The following METTL6 variants were observed in gnomAD, a reference collection of about 807,000 sequenced individuals.
METTL6 encodes the protein methyltransferase 6, tRNA N3-cytidine, also known as tRNA N(3)-cytidine methyltransferase METTL6.
METTL6 carries 22 observed loss-of-function variants against 26.4 expected under a neutral mutation model. The ratio of observed to expected loss-of-function variants is 0.83; its 90% CI spans 0.59 to 1.19. METTL6 has a LOEUF of 1.19. Among genes scored for constraint, METTL6 ranks in the 50% most tolerant of loss-of-function variants. The probability of loss-of-function intolerance (pLI) is 0.00; values close to 1 mark genes in which losing one functional copy is unlikely to be tolerated. For synonymous variants in METTL6, 109 were observed against 116.2 expected, an observed-to-expected ratio of 0.94 and a Z score of 0.40; for missense variants, 304 against 324.8, an observed-to-expected ratio of 0.94 and a Z score of 0.49.
intron 6 of METTL6, among the ~76,000 whole-genome samples, chr3:15,387,995 T>C (rs1023256367): frequency 2.0e-5 from 3 of 152,038 alleles, no homozygotes; most frequent in African/African-American, 7.2e-5. Flanking sequence ...GGAACTGCAG[T>C]AGACAAAGAG....
At chr3:15,409,282 A>G (rs1699884142), downstream of METTL6, among the ~76,000 whole-genome samples, 1 of 152,198 alleles carries the variant, frequency 6.6e-6, no homozygotes, top group Non-Finnish European at 1.5e-5. Flanking sequence ...GGCCTGCTGC[A>G]TGTGCAGTCC....
chr3:15,403,901 C>A (rs1456682375), intron 6 of METTL6, among the ~76,000 whole-genome samples: 1 of 152,144 alleles, frequency 6.6e-6, no homozygotes, highest in African/African-American at 2.4e-5. Flanking sequence ...TAAAGGGCAA[C>A]TTCCTGACAT....
chr3:15,397,590 G>A (rs555219687), intron 6 of METTL6, among the ~76,000 whole-genome samples: 16 of 152,174 alleles, frequency 1.1e-4, no homozygotes, highest in Non-Finnish European at 2.2e-4. Context: ...GCTGGGAGCT[G>A]TAGACTGGAG....
In METTL6 at chr3:15,400,863, T is replaced by A. The variant is rs116165617; in HGVS notation, c.*11+10382A>T. 9.0e-3 allele frequency among the ~76,000 whole-genome samples: 1,365 copies of A among 152,252 alleles called. 23 individuals carry two copies. Among genetic ancestry groups the A allele is most frequent in the African/African-American group, 0.031 (1,293 of 41,530 alleles). On this transcript the variant is annotated intron_variant, in intron 6 of 6. Transcript: ENST00000443029. ...TCTCCATATCCTTTAATAATATTTA[T>A]CATTAAACATAACTGAAACTATACT...
intron 1 of METTL6, 145 bp from the exon 2 acceptor site, chr3:15,426,780 G>C: frequency 2.0e-6 from 1 of 508,360 alleles, no homozygotes; most frequent in South Asian, 2.7e-5. Flanking sequence ...CAAACACACA[G>C]TCCCTACCTT....
chr3:15,402,462 G>A (rs1699673052), intron 6 of METTL6, among the ~76,000 whole-genome samples: 1 of 152,090 alleles, frequency 6.6e-6, no homozygotes, highest in Non-Finnish European at 1.5e-5. Context: ...GGCCGGGCAT[G>A]GTGGCTTACA....
Position 15,415,745 on chromosome 3 carries a change from C to T in METTL6, c.531+27G>A, listed in dbSNP as rs1700176177. 1.9e-6 allele frequency: 3 copies of T among 1,609,302 alleles called. No homozygotes were observed. In the African/African-American group the frequency reaches 4.0e-5, roughly 21 times the overall value. ...GTAAAAGAATCCAGACTGTCCAACC[C>T]TCAAGTGCAGGCCCCAAATCACTAA... On this transcript the variant is annotated intron_variant, in intron 4 of 5. Transcript: ENST00000383790.
At chr3:15,384,183 G>C (rs766928202) in exon 7 of METTL6, 1 of 372,730 alleles carries the variant, frequency 2.7e-6, no homozygotes, top group South Asian at 1.9e-5. Flanking sequence ...ACTTTTGTTT[G>C]AGACCTGAAA....
In METTL6 at chr3:15,425,068, T is replaced by C. The variant is rs2061687813; in HGVS notation, c.247A>G (p.Met83Val). The C allele has an allele frequency of 1.2e-6, 2 of 1,614,066 alleles. No individual in the cohort carries two copies. The highest frequency in any genetic ancestry group is 8.5e-7 in the Non-Finnish European group (1 of 1,180,032). ...CREFEDQKLT[M>V]LEAGCGVGNC... ...CCAACCCCACAGCCAGCTTCAAGCATTGTTAACTTTTGATCTTCAAACTGG... is the reference window on the plus strand; with the variant it reads ...CCAACCCCACAGCCAGCTTCAAGCACTGTTAACTTTTGATCTTCAAACTGG... The change falls in exon 3 of 6, where the codon ATG becomes GTG. Residue 83 changes from methionine to valine, a missense_variant. Physicochemically the swap from Met to Val is conservative, Grantham distance 21 (BLOSUM62 1). Transcript: ENST00000383790.
At chr3:15,395,427 G>C (rs981223258) in intron 6 of METTL6, among the ~76,000 whole-genome samples, 21 of 152,252 alleles carry the variant, frequency 1.4e-4, no homozygotes, top group East Asian at 3.9e-4. Flanking sequence ...GAATACAGCA[G>C]ACTGATGGGT....
chr3:15,423,359 C>T (rs1021054675), intron 3 of METTL6, among the ~76,000 whole-genome samples: 3 of 152,190 alleles, frequency 2.0e-5, no homozygotes, highest in Non-Finnish European at 4.4e-5. Context: ...CACCACTGCA[C>T]TCCAGTCTAG....
intron 3 of METTL6, among the ~76,000 whole-genome samples, chr3:15,423,824 C>CA (rs2061660978): frequency 6.6e-6 from 1 of 152,114 alleles, no homozygotes; most frequent in Admixed American, 6.6e-5. Flanking sequence ...GTCAAGGCTG[C>CA]AGTGAGTTGT....
At chr3:15,408,501 C>T (rs1699860892), downstream of METTL6, among the ~76,000 whole-genome samples, 1 of 150,118 alleles carries the variant, frequency 6.7e-6, no homozygotes, top group African/African-American at 2.4e-5. Context: ...GGCCAAAATT[C>T]CAAATGACTT....
At chr3:15,398,964 A>G (rs1699564543) in intron 6 of METTL6, among the ~76,000 whole-genome samples, 1 of 152,182 alleles carries the variant, frequency 6.6e-6, no homozygotes, top group African/African-American at 2.4e-5. Flanking sequence ...CTTGCTGATA[A>G]AAGGATGTGG....
exon 7 of METTL6, chr3:15,382,120 G>A: frequency 6.6e-6 from 1 of 150,960 alleles, no homozygotes. Flanking sequence ...GCACAATCAT[G>A]GCTCACTGCA....
intron 3 of METTL6, among the ~76,000 whole-genome samples, chr3:15,420,910 G>GTGTCCT (rs1332556997): frequency 7.2e-5 from 11 of 152,290 alleles, no homozygotes; most frequent in Non-Finnish European, 1.5e-4. Flanking sequence ...TTCCTATTTA[G>GTGTCCT]ATGACACTTT....
chr3:15,399,513 G>A (rs1699580315), intron 6 of METTL6: 1 of 144,378 alleles, frequency 6.9e-6, no homozygotes, highest in Non-Finnish European at 1.5e-5. Flanking sequence ...CTCACAGAAA[G>A]AAAAAGAGAG....
At chr3:15,382,742 G>C (rs1699107714) in exon 7 of METTL6, 1 of 150,654 alleles carries the variant, frequency 6.6e-6, no homozygotes, top group Admixed American at 6.6e-5. Context: ...GAAAATGACA[G>C]CAAAAGGATA....
At chr3:15,413,992 A>G (rs375316847) in intron 5 of METTL6, 29 bp downstream of exon 5, 2 of 1,613,526 alleles carry the variant, frequency 1.2e-6, no homozygotes, top group Non-Finnish European at 1.7e-6. Flanking sequence ...AGAATAAAAC[A>G]TTTAAAGACT....
Sources: gnomAD v4.1 joint callset for allele counts (sites outside exome capture counted in the v4.1 genomes callset) on GRCh38, gnomAD v4.1.1 for gene constraint, MANE v1.5 for transcripts, NCBI Gene and HGNC (gene_info 2026-07-23, HGNC 2026-07-21) for gene names.